The following PRKCA variants were observed in gnomAD, a reference collection of about 807,000 sequenced individuals.
PRKCA encodes protein kinase C alpha, also known as protein kinase C alpha type.
A neutral mutation model predicts 87.0 loss-of-function variants in PRKCA; 27 were observed. The observed-to-expected ratio is 0.31, with a 90% CI of 0.23 to 0.43. PRKCA has a LOEUF of 0.43. Among genes scored for constraint, PRKCA ranks in the 20% least tolerant of loss-of-function variants. The probability of loss-of-function intolerance (pLI) is 1.00; values close to 1 mark genes in which losing one functional copy is unlikely to be tolerated. For missense variants in PRKCA, 518 were observed against 852.3 expected (o/e 0.61, Z 4.88); for synonymous variants, 329 against 311.1 (o/e 1.06, Z -0.61).
At chr17:66,349,014 T>G (rs1011252987) in intron 2 of PRKCA, among the ~76,000 whole-genome samples, 8 of 152,206 alleles carry the variant, frequency 5.3e-5, no homozygotes, top group African/African-American at 1.9e-4. Context: ...GGCAAGTTTG[T>G]TATTAAGAGC....
intron 8 of PRKCA, among the ~76,000 whole-genome samples, chr17:66,726,118 G>A (rs1313098469): frequency 7.3e-6 from 1 of 136,958 alleles, no homozygotes; most frequent in Non-Finnish European, 1.6e-5. Flanking sequence ...TCAGGTGTTC[G>A]CAGGTGTGCA....
At chr17:66,692,656 G>A (rs191282179) in intron 8 of PRKCA, among the ~76,000 whole-genome samples, 2 of 152,214 alleles carry the variant, frequency 1.3e-5, no homozygotes, top group Admixed American at 6.5e-5. Flanking sequence ...CCTCCTTTTC[G>A]GTCTGTAGCA....
chr17:66,371,935 T>A (rs142295463), intron 2 of PRKCA, among the ~76,000 whole-genome samples: 2 of 152,198 alleles, frequency 1.3e-5, no homozygotes, highest in African/African-American at 2.4e-5. Flanking sequence ...ACTGAAAAAT[T>A]GAAGCGCTTT....
chr17:66,460,440 C>T (rs1265105235), intron 2 of PRKCA, among the ~76,000 whole-genome samples: 2 of 152,218 alleles, frequency 1.3e-5, no homozygotes, highest in Non-Finnish European at 2.9e-5. Context: ...AGGCGTGCCA[C>T]CTCCTGTAAG....
At chr17:66,459,206 C>A (rs894858113) in intron 2 of PRKCA, among the ~76,000 whole-genome samples, 32 of 129,590 alleles carry the variant, frequency 2.5e-4, no homozygotes, top group Non-Finnish European at 2.8e-4. Context: ...ATCCCTGTCT[C>A]AAAAAAAAAA....
intron 3 of PRKCA, among the ~76,000 whole-genome samples, chr17:66,632,664 T>C (rs1598830645): frequency 6.6e-6 from 1 of 152,342 alleles, no homozygotes; most frequent in Non-Finnish European, 1.5e-5. Flanking sequence ...AAAGTCATTA[T>C]ATTTTATGTC....
chr17:66,638,119 T>C (rs1183405374), intron 3 of PRKCA, among the ~76,000 whole-genome samples: 5 of 134,910 alleles, frequency 3.7e-5, no homozygotes, highest in Admixed American at 3.7e-4. Context: ...AATATATATA[T>C]ATATATGTGT....
chr17:66,743,038 G>T (rs188902888), intron 13 of PRKCA, among the ~76,000 whole-genome samples: 1 of 152,302 alleles, frequency 6.6e-6, no homozygotes, highest in East Asian at 1.9e-4. Context: ...AATCATTTAA[G>T]AAACACTGTT....
At chr17:66,388,104 A>G (rs1315918820) in intron 2 of PRKCA, among the ~76,000 whole-genome samples, 1 of 152,058 alleles carries the variant, frequency 6.6e-6, no homozygotes, top group Non-Finnish European at 1.5e-5. Context: ...GAAACCGTAG[A>G]TAGATCCAGG....
At chr17:66,402,869 A>C (rs922892111) in intron 2 of PRKCA, among the ~76,000 whole-genome samples, 36 of 152,354 alleles carry the variant, frequency 2.4e-4, no homozygotes, top group Non-Finnish European at 3.8e-4. Context: ...TGAAAAGTTT[A>C]ATCATAAGGG....
chr17:66,479,075 C>A (rs974289793), intron 2 of PRKCA, among the ~76,000 whole-genome samples: 6 of 151,960 alleles, frequency 3.9e-5, no homozygotes, highest in African/African-American at 1.5e-4. Context: ...AACTATCAAC[C>A]GAGTAAACAA....
chr17:66,730,472 G>A (rs1294862694), intron 8 of PRKCA, among the ~76,000 whole-genome samples: 2 of 152,226 alleles, frequency 1.3e-5, no homozygotes, highest in South Asian at 2.1e-4. Context: ...TAAACGAGGG[G>A]TGGATTATTC....
intron 3 of PRKCA, among the ~76,000 whole-genome samples, chr17:66,509,148 T>G (rs939178626): frequency 2.0e-5 from 3 of 151,416 alleles, no homozygotes; most frequent in Non-Finnish European, 4.4e-5. Flanking sequence ...ATCAGGGTTC[T>G]CCAGAGAAAA....
intron 14 of PRKCA, 168 bp downstream of exon 14, chr17:66,774,235 G>A (rs963680737): frequency 6.8e-6 from 10 of 1,473,492 alleles, no homozygotes; most frequent in Admixed American, 2.2e-5. Flanking sequence ...AGTGGATCAC[G>A]TTCAGTATGC....
chr17:66,410,929 C>G (rs967180639), intron 2 of PRKCA, among the ~76,000 whole-genome samples: 2 of 152,112 alleles, frequency 1.3e-5, no homozygotes, highest in African/African-American at 4.8e-5. Flanking sequence ...TGTGTGCGCT[C>G]TACTCTGGAC....
chr17:66,633,043 C>T (rs931951821), intron 3 of PRKCA, among the ~76,000 whole-genome samples: 4 of 152,114 alleles, frequency 2.6e-5, no homozygotes, highest in African/African-American at 9.7e-5. Context: ...GAATTTCTTT[C>T]GTTCTTTCTT....
intron 2 of PRKCA, among the ~76,000 whole-genome samples, chr17:66,472,440 TCA>T (rs1915365541): frequency 6.6e-6 from 1 of 152,210 alleles, no homozygotes; most frequent in South Asian, 2.1e-4. Context: ...GGAAATTGTC[TCA>T]GTCATTACTT....
chr17:66,742,367 G>A (rs1383632079), intron 12 of PRKCA, among the ~76,000 whole-genome samples: 1 of 152,176 alleles, frequency 6.6e-6, no homozygotes, highest in East Asian at 1.9e-4. Context: ...ACAGACATAG[G>A]CAAGATTGAG....
intron 13 of PRKCA, among the ~76,000 whole-genome samples, chr17:66,747,110 C>T (rs1417226477): frequency 6.6e-6 from 1 of 152,174 alleles, no homozygotes; most frequent in Non-Finnish European, 1.5e-5. Context: ...TTCGCTCTGT[C>T]GTCCAGGCTG....
Sources: gnomAD v4.1 joint callset for allele counts (sites outside exome capture counted in the v4.1 genomes callset) on GRCh38, gnomAD v4.1.1 for gene constraint, MANE v1.5 for transcripts, NCBI Gene and HGNC (gene_info 2026-07-23, HGNC 2026-07-21) for gene names.